FGF14: variants seen among roughly 807,000 people sequenced by gnomAD.
FGF14 encodes the protein fibroblast growth factor homologous factor 4.
A neutral mutation model predicts 25.5 loss-of-function variants in FGF14; 5 were observed. The observed-to-expected ratio is 0.20, with a 90% confidence interval of 0.10 to 0.41. The LOEUF (loss-of-function observed/expected upper bound fraction) is 0.41. Among genes scored for constraint, FGF14 ranks in the 10% least tolerant of loss-of-function variants. FGF14 has a pLI of 1.00. For synonymous variants in FGF14, 138 were observed against 118.3 expected (o/e 1.17, Z -1.08); for missense variants, 222 against 320.1 (o/e 0.69, Z 2.34).
At chr13:102,042,236 A>C (rs2041777602) in intron 1 of FGF14, among the ~76,000 whole-genome samples, 1 of 152,190 alleles carries the variant, frequency 6.6e-6, no homozygotes, top group Admixed American at 6.5e-5. Flanking sequence ...TGCTTATACA[A>C]ATATGGTATC....
At chr13:101,972,456 T>C (rs1420837885) in intron 1 of FGF14, among the ~76,000 whole-genome samples, 3 of 152,216 alleles carry the variant, frequency 2.0e-5, no homozygotes, top group Non-Finnish European at 4.4e-5. Flanking sequence ...GAAGGTAGAA[T>C]CTGAAAAACA....
intron 1 of FGF14, among the ~76,000 whole-genome samples, chr13:101,989,907 C>A (rs2038803467): frequency 6.6e-6 from 1 of 152,048 alleles, no homozygotes; most frequent in Non-Finnish European, 1.5e-5. Context: ...ACTATAAATT[C>A]TTGCCAAGTT....
intron 1 of FGF14, among the ~76,000 whole-genome samples, chr13:102,158,387 G>A (rs534690537): frequency 1.2e-4 from 18 of 152,222 alleles, no homozygotes; most frequent in African/African-American, 4.3e-4. Flanking sequence ...GGATGAAGCT[G>A]GAAACCATCA....
intron 1 of FGF14, among the ~76,000 whole-genome samples, chr13:102,016,682 C>T (rs1320546382): frequency 6.6e-6 from 1 of 152,076 alleles, no homozygotes; most frequent in Non-Finnish European, 1.5e-5. Context: ...TAGATGGTTT[C>T]ACCACACTGC....
intron 1 of FGF14, among the ~76,000 whole-genome samples, chr13:102,051,939 T>C (rs1435136191): frequency 6.6e-6 from 1 of 150,804 alleles, no homozygotes; most frequent in Non-Finnish European, 1.5e-5. Flanking sequence ...TATTAAATGC[T>C]TAAAAAAATT....
intron 1 of FGF14, among the ~76,000 whole-genome samples, chr13:102,147,086 T>C (rs1394705841): frequency 1.3e-5 from 2 of 152,216 alleles, no homozygotes; most frequent in Non-Finnish European, 2.9e-5. Context: ...TGGTACAATT[T>C]AGTGGTTATA....
intron 3 of FGF14, among the ~76,000 whole-genome samples, chr13:101,816,251 CAGAG>C (rs1168722744): frequency 7.8e-6 from 1 of 128,322 alleles, no homozygotes; most frequent in Non-Finnish European, 1.6e-5. Context: ...ACCTGGGGAA[CAGAG>C]AGAGACTCCG....
At chr13:101,820,806 A>ACAAC (rs1262447164) in intron 3 of FGF14, among the ~76,000 whole-genome samples, 11 of 83,922 alleles carry the variant, frequency 1.3e-4, no homozygotes, top group African/African-American at 4.0e-4. Flanking sequence ...ACACACACAC[A>ACAAC]ACACACACAC....
intron 1 of FGF14, among the ~76,000 whole-genome samples, chr13:101,967,242 T>C (rs942691845): frequency 3.3e-5 from 5 of 152,202 alleles, no homozygotes; most frequent in Non-Finnish European, 5.9e-5. Context: ...AGTAAGAATG[T>C]CTGAGGGTGG....
At chr13:102,242,696 T>C (rs569552378) in intron 1 of FGF14, among the ~76,000 whole-genome samples, 110 of 152,126 alleles carry the variant, frequency 7.2e-4, no homozygotes, top group Non-Finnish European at 1.4e-3. Flanking sequence ...TTCCAACATA[T>C]GCTTTTGGGG....
intron 1 of FGF14, among the ~76,000 whole-genome samples, chr13:102,319,751 A>G (rs925657450): frequency 6.6e-6 from 1 of 152,224 alleles, no homozygotes; most frequent in Non-Finnish European, 1.5e-5. Context: ...TTATGCTGAT[A>G]GCCACTGTGC....
At chr13:101,763,137 G>T (rs903247674) in intron 3 of FGF14, among the ~76,000 whole-genome samples, 1 of 152,152 alleles carries the variant, frequency 6.6e-6, no homozygotes, top group Non-Finnish European at 1.5e-5. Flanking sequence ...TGGCAGGGTT[G>T]GAATTAGAGA....
chr13:101,949,127 C>T (rs2035997445), intron 1 of FGF14, among the ~76,000 whole-genome samples: 2 of 152,116 alleles, frequency 1.3e-5, no homozygotes, highest in South Asian at 4.1e-4. Flanking sequence ...GTCCATTTTA[C>T]GTTTAGGTTA....
intron 1 of FGF14, among the ~76,000 whole-genome samples, chr13:101,963,829 G>C (rs2037017890): frequency 6.6e-6 from 1 of 152,154 alleles, no homozygotes; most frequent in Non-Finnish European, 1.5e-5. Flanking sequence ...TCCAGTTGTA[G>C]AAAATTTGAG....
chr13:102,319,866 T>G (rs1235951340), intron 1 of FGF14, among the ~76,000 whole-genome samples: 1 of 152,210 alleles, frequency 6.6e-6, no homozygotes, highest in Non-Finnish European at 1.5e-5. Context: ...ATGCTATATA[T>G]ACATGTATGT....
chr13:102,237,633 A>T (rs1281379252), intron 1 of FGF14, among the ~76,000 whole-genome samples: 1 of 152,126 alleles, frequency 6.6e-6, no homozygotes, highest in Non-Finnish European at 1.5e-5. Flanking sequence ...CAAGCTAAAA[A>T]TTTTTTGATA....
At chr13:102,273,944 CA>C (rs10627893) in intron 1 of FGF14, among the ~76,000 whole-genome samples, 3,462 of 121,338 alleles carry the variant, frequency 0.029, 117 homozygotes, top group African/African-American at 0.094. Flanking sequence ...GACCCTGTCT[CA>C]AAAAAAAAAA....
chr13:102,195,212 TA>T (rs1361614763), intron 1 of FGF14, among the ~76,000 whole-genome samples: 4 of 152,128 alleles, frequency 2.6e-5, no homozygotes, highest in African/African-American at 9.7e-5. Flanking sequence ...TAAATAAGCA[TA>T]AAAAATAGTA....
At chr13:102,322,062 C>A (rs2138763939) in intron 1 of FGF14, among the ~76,000 whole-genome samples, 1 of 152,312 alleles carries the variant, frequency 6.6e-6, no homozygotes, top group South Asian at 2.1e-4. Context: ...GGGTGGCTGA[C>A]AAGCCCTTTT....
Sources: allele counts gnomAD v4.1 joint callset (sites outside exome capture counted in the v4.1 genomes callset), GRCh38; gene constraint gnomAD v4.1.1; transcripts MANE v1.5; gene names NCBI Gene and HGNC (gene_info 2026-07-23, HGNC 2026-07-21).